IL15: variants seen among roughly 807,000 people sequenced by gnomAD.
IL15 encodes interleukin-15.
IL15 carries 11 observed loss-of-function variants against 19.6 expected under a neutral mutation model. The observed-to-expected ratio is 0.56, with a 90% CI of 0.35 to 0.93. IL15 has a LOEUF of 0.93. Among genes scored for constraint, IL15 ranks in the 40% least tolerant of loss-of-function variants. The pLI, the probability that IL15 is intolerant of heterozygous loss-of-function variation, is 0.01. For synonymous variants in IL15, 58 were observed against 59.6 expected (o/e 0.97, Z 0.12); for missense variants, 197 against 186.5 (o/e 1.06, Z -0.33).
intron 2 of IL15, among the ~76,000 whole-genome samples, chr4:141,672,793 C>T (rs1165802152): frequency 6.6e-6 from 1 of 152,190 alleles, no homozygotes; most frequent in Non-Finnish European, 1.5e-5. Context: ...GAATGCCTTT[C>T]ATTTTCTTGA....
At chr4:141,645,900 G>C (rs1727210613) in intron 1 of IL15, among the ~76,000 whole-genome samples, 1 of 152,048 alleles carries the variant, frequency 6.6e-6, no homozygotes, top group Non-Finnish European at 1.5e-5. Context: ...CAGCACGGTA[G>C]TTTCAGGGTT....
chr4:141,679,630 G>C (rs1728469453), intron 2 of IL15, among the ~76,000 whole-genome samples: 1 of 152,042 alleles, frequency 6.6e-6, no homozygotes, highest in Non-Finnish European at 1.5e-5. Context: ...CTTTAAATGG[G>C]ACATGATTAT....
chr4:141,729,322 G>T (rs934276049), intron 6 of IL15, among the ~76,000 whole-genome samples: 1 of 152,048 alleles, frequency 6.6e-6, no homozygotes. Context: ...ACCTAAGAGA[G>T]CCTTTTCTGA....
Position 141,722,018 on chromosome 4 carries a change from C to A in IL15, c.195+10C>A. 3.2e-6 allele frequency: 5 copies of A among 1,566,696 alleles called. No homozygotes were observed. Among genetic ancestry groups the A allele is most frequent in the South Asian group, 1.2e-5 (1 of 84,812 alleles). ...TGAAGATCTTATTCAAGTGAGTACT[C>A]ATTTTTCCATAAAATGCCTGGTATA... On this transcript the variant is annotated intron_variant, in intron 5 of 7. Coordinates refer to ENST00000320650, the MANE Select transcript of IL15 (RefSeq NM_000585.5).
intron 2 of IL15, among the ~76,000 whole-genome samples, chr4:141,664,338 G>C: frequency 9.9e-6 from 1 of 100,624 alleles, no homozygotes; most frequent in South Asian, 3.2e-4. Flanking sequence ...TCTTTGGTGG[G>C]CAAAACACAC....
intron 2 of IL15, among the ~76,000 whole-genome samples, chr4:141,701,373 G>A (rs1389956833): frequency 1.3e-5 from 2 of 151,620 alleles, no homozygotes; most frequent in Admixed American, 1.3e-4. Flanking sequence ...GTGCTTTTAG[G>A]GTGAAGACTT....
chr4:141,657,094 G>T (rs2152159237), intron 2 of IL15, among the ~76,000 whole-genome samples: 1 of 152,290 alleles, frequency 6.6e-6, no homozygotes, highest in Non-Finnish European at 1.5e-5. Flanking sequence ...GGTATAGCCA[G>T]TTGGTTCTAA....
At chr4:141,642,295 C>T (rs559937849) in intron 1 of IL15, among the ~76,000 whole-genome samples, 1 of 152,246 alleles carries the variant, frequency 6.6e-6, no homozygotes, top group South Asian at 2.1e-4. Context: ...TTTGGGCACA[C>T]ATCAGGCATA....
intron 2 of IL15, among the ~76,000 whole-genome samples, chr4:141,691,483 T>C (rs539849711): frequency 6.6e-6 from 1 of 152,334 alleles, no homozygotes; most frequent in East Asian, 1.9e-4. Flanking sequence ...ATAAGTCCCT[T>C]CTGCCTATGA....
At chr4:141,661,361 G>T (rs879482368) in intron 2 of IL15, among the ~76,000 whole-genome samples, 17 of 152,114 alleles carry the variant, frequency 1.1e-4, no homozygotes, top group Admixed American at 1.1e-3. Flanking sequence ...AGATGTTTTT[G>T]TTCCCATAAG....
intron 2 of IL15, among the ~76,000 whole-genome samples, chr4:141,662,000 C>G (rs940106588): frequency 2.6e-5 from 4 of 152,188 alleles, no homozygotes; most frequent in Non-Finnish European, 4.4e-5. Context: ...AATTTTCAAG[C>G]AATTGAAGAT....
chr4:141,674,082 G>T (rs897565786), intron 2 of IL15, among the ~76,000 whole-genome samples: 39 of 152,164 alleles, frequency 2.6e-4, no homozygotes, highest in Non-Finnish European at 5.4e-4. Context: ...CTGAAATAAT[G>T]AACCACAGCC....
intron 1 of IL15, among the ~76,000 whole-genome samples, chr4:141,654,457 G>A (rs1259197517): frequency 6.6e-6 from 1 of 152,228 alleles, no homozygotes; most frequent in Non-Finnish European, 1.5e-5. Context: ...TTCCTAGAGT[G>A]TCTTGCTGGT....
At chr4:141,693,016 C>CAAAAAAAGAAAAAAAAA (rs1728968868) in intron 2 of IL15, among the ~76,000 whole-genome samples, 1 of 23,232 alleles carries the variant, frequency 4.3e-5, no homozygotes, top group Non-Finnish European at 7.7e-5. Flanking sequence ...GACTCCGTCT[C>CAAAAAAAGAAAAAAAAA]AAAAAAAAAA....
intron 2 of IL15, among the ~76,000 whole-genome samples, chr4:141,660,465 G>T (rs1185743071): frequency 6.6e-6 from 1 of 152,094 alleles, no homozygotes; most frequent in African/African-American, 2.4e-5. Context: ...GATTATCAGG[G>T]TATTATGCGC....
chr4:141,662,681 C>T (rs145804146), intron 2 of IL15, among the ~76,000 whole-genome samples: 207 of 152,076 alleles, frequency 1.4e-3, no homozygotes, highest in African/African-American at 4.7e-3. Flanking sequence ...ATGTAATTAC[C>T]GATGTATTTG....
chr4:141,644,423 G>T (rs561300510), intron 1 of IL15, among the ~76,000 whole-genome samples: 42 of 152,256 alleles, frequency 2.8e-4, no homozygotes, highest in African/African-American at 9.4e-4. Context: ...ATTCAAGAAA[G>T]CATCTTCCTT....
intron 2 of IL15, chr4:141,715,009 T>C (rs962522736): frequency 6.6e-6 from 1 of 152,202 alleles, no homozygotes; most frequent in African/African-American, 2.4e-5. Context: ...CTGAAACTCC[T>C]GACCTGTCCC....
At chr4:141,724,282 A>G (rs1445201205) in intron 5 of IL15, among the ~76,000 whole-genome samples, 2 of 152,110 alleles carry the variant, frequency 1.3e-5, no homozygotes, top group African/African-American at 4.8e-5. Context: ...AAAATGAAAT[A>G]CAGCATATCA....
Sources: gnomAD v4.1 joint callset for allele counts (sites outside exome capture counted in the v4.1 genomes callset) on GRCh38, gnomAD v4.1.1 for gene constraint, MANE v1.5 for transcripts, NCBI Gene and HGNC (gene_info 2026-07-23, HGNC 2026-07-21) for gene names.